Variants in REV1 observed in about 807,000 individuals in gnomAD.
REV1 encodes the protein REV1 DNA directed polymerase, also known as translesion synthesis protein REV1.
A neutral mutation model predicts 137.4 loss-of-function variants in REV1; 42 were observed. That is an observed-to-expected ratio of 0.31 (90% CI 0.24 to 0.40). The LOEUF (loss-of-function observed/expected upper bound fraction) is 0.40. Ranked by LOEUF, REV1 falls within the 10% of genes least tolerant of loss-of-function variation. The pLI is 1.00. For synonymous variants in REV1, 524 were observed against 519.2 expected, an observed-to-expected ratio of 1.01 and a Z score of -0.12; for missense variants, 1,282 against 1,490.1, an observed-to-expected ratio of 0.86 and a Z score of 2.30.
At chr2:99,422,357 A>G (rs796817740) in intron 10 of REV1, among the ~76,000 whole-genome samples, 3 of 152,332 alleles carry the variant, frequency 2.0e-5, no homozygotes, top group African/African-American at 7.2e-5. Flanking sequence ...AGAAATCACA[A>G]AATAGAACTG....
chr2:99,422,278 GT>G (rs1678786912), intron 10 of REV1, among the ~76,000 whole-genome samples: 1 of 152,158 alleles, frequency 6.6e-6, no homozygotes, highest in Non-Finnish European at 1.5e-5. Context: ...AAAAGGATTT[GT>G]TTTAATTAGA....
At chr2:99,403,592 G>T (rs1675827678) in intron 19 of REV1, 103 bp downstream of exon 19, 3 of 1,431,682 alleles carry the variant, frequency 2.1e-6, no homozygotes, top group African/African-American at 1.4e-5. Context: ...AGCTCTTAAT[G>T]CAACAGCTTA....
intron 9 of REV1, 110 bp downstream of exon 9, chr2:99,429,730 A>G: frequency 1.8e-6 from 1 of 566,238 alleles, no homozygotes; most frequent in East Asian, 3.2e-5. Flanking sequence ...AAACCTCATA[A>G]CACGTCTGTA....
chr2:99,462,323 C>G (rs1413899336), intron 3 of REV1, among the ~76,000 whole-genome samples, 173 bp downstream of exon 3: 1 of 152,100 alleles, frequency 6.6e-6, no homozygotes, highest in Non-Finnish European at 1.5e-5. Context: ...AAGACAATGG[C>G]AGGTAAAAGC....
chr2:99,424,105 A>G (rs780645801), intron 10 of REV1, 47 bp downstream of exon 10: 2 of 1,589,566 alleles, frequency 1.3e-6, no homozygotes, highest in South Asian at 1.1e-5. Flanking sequence ...ACTATTAGCT[A>G]AAAGAAGGAA....
rs140366730 is a variant in REV1 at position 99,432,501 on chromosome 2, T to G, written c.1438+1831A>C. ...AAAAAGTTCTGAGCACAAGCTTAGT[T>G]GTAATCAAACTTTATAATAAAGGAT... On this transcript the variant is annotated intron_variant, in intron 8 of 22. Coordinates refer to ENST00000258428, the MANE Select transcript of REV1 (RefSeq NM_016316.4). Among the ~76,000 whole-genome samples the G allele has an allele frequency of 5.8e-3, 879 of 152,284 alleles. 10 individuals are homozygous for G. Among genetic ancestry groups the G allele is most frequent in the African/African-American group, 0.02 (824 of 41,554 alleles).
chr2:99,412,102 G>A (rs201709236), intron 13 of REV1, among the ~76,000 whole-genome samples: 1 of 151,414 alleles, frequency 6.6e-6, no homozygotes, highest in Admixed American at 6.6e-5. Context: ...GCGTGGTGGC[G>A]GGTGCCTGTA....
upstream of REV1, chr2:99,490,151 C>G (rs1338338596): frequency 1.3e-5 from 2 of 150,942 alleles, no homozygotes; most frequent in Middle Eastern, 3.4e-3. Context: ...GGGGCGACCC[C>G]AGCCTCGGGC....
Position 99,404,656 on chromosome 2 carries a change from C to T in REV1, c.2833G>A (p.Ala945Thr). ...TGTTCCCGGAGATCAGGTGGAAGTG[C>T]TTCTAAAACAGACTGATCCAGCTAT... ...PSQLDQSVLE[A>T]LPPDLREQVE... is the part of the protein sequence containing the mutation. Residue 945 changes from alanine to threonine, a missense_variant, in exon 18 of 23, where the codon GCA becomes ACA. Transcript: ENST00000258428. 1 of 1,611,178 alleles carries T rather than the reference C, an allele frequency of 6.2e-7. No homozygotes were observed. Among genetic ancestry groups the T allele is most frequent in the Non-Finnish European group, 8.5e-7 (1 of 1,179,268 alleles).
At chr2:99,431,203 T>C (rs1321830995) in intron 8 of REV1, among the ~76,000 whole-genome samples, 1 of 152,194 alleles carries the variant, frequency 6.6e-6, no homozygotes, top group Non-Finnish European at 1.5e-5. Flanking sequence ...TCGGCAACCA[T>C]ATATACACAG....
chr2:99,407,081 T>C (rs911676977), intron 15 of REV1, among the ~76,000 whole-genome samples: 1 of 19,070 alleles, frequency 5.2e-5, no homozygotes, highest in Non-Finnish European at 9.1e-5. Flanking sequence ...ACAAAGGTTC[T>C]TTTTTTTTTT....
At chr2:99,434,490 A>G (rs766827358) in intron 7 of REV1, 42 bp from the exon 8 acceptor site, 1 of 1,394,842 alleles carries the variant, frequency 7.2e-7, no homozygotes, top group East Asian at 2.5e-5. Flanking sequence ...GTGGTACAGG[A>G]ATGTTAACAA....
Position 99,488,230 on chromosome 2 carries a change from T to C in REV1, c.-11+1587A>G, listed in dbSNP as rs1687311526. ...GAGGACAACGTTTCCTTAATGCTCTTATGTAGAATCAGAGTTTTGAAGTTG... is the reference window on the plus strand; with the variant it reads ...GAGGACAACGTTTCCTTAATGCTCTCATGTAGAATCAGAGTTTTGAAGTTG... On this transcript the variant is annotated intron_variant, in intron 1 of 22. Transcript: ENST00000258428. Among the ~76,000 whole-genome samples, 2 of 119,260 alleles carry C rather than the reference T, an allele frequency of 1.7e-5. 1 individual carries two copies. Among genetic ancestry groups the C allele is most frequent in the South Asian group, 4.7e-4 (2 of 4,212 alleles). The allele number at this position is 119,260 out of a possible 152,430, so 78.2% of individuals were successfully genotyped here.
Position 99,406,375 on chromosome 2 carries a change from A to T in REV1, c.2564T>A (p.Val855Asp). Reference protein sequence around the residue: ...FPSGSYSVRDVFQVQKAKKST... With the variant: ...FPSGSYSVRDDFQVQKAKKST... ...TTTCTTAGCTTTCTGAACTTGGAAGACATCACGGACAGAGTATGACCCACT... is the reference window on the plus strand; with the variant it reads ...TTTCTTAGCTTTCTGAACTTGGAAGTCATCACGGACAGAGTATGACCCACT... Residue 855 changes from valine (V) to aspartate (D), a missense_variant, in exon 16 of 23, where the codon GTC becomes GAC. This residue lies in a region of REV1 where 372 missense variants were observed against 482.3 expected (regional missense o/e 0.77). Transcript: ENST00000258428. 1 of 1,613,554 alleles carries T rather than the reference A, an allele frequency of 6.2e-7. No homozygotes were observed. Among genetic ancestry groups the T allele is most frequent in the Non-Finnish European group, 8.5e-7 (1 of 1,179,672 alleles).
rs1482510941 is a variant in REV1 at position 99,401,090 on chromosome 2, T to C, written c.*151A>G. The C allele has an allele frequency of 4.1e-6, 2 of 492,804 alleles. No homozygotes were observed. The highest frequency in any genetic ancestry group is 1.9e-5 in the African/African-American group (1 of 52,504). 30.5% of individuals were successfully genotyped at this position (492,804 alleles called of 1,614,324 possible). Reference sequence around the variant, plus strand: ...TATTTACATGCAATACTGACAAATTTGGCACTTTTTGAAAAGAAATGTACA... The same window carrying C: ...TATTTACATGCAATACTGACAAATTCGGCACTTTTTGAAAAGAAATGTACA... On this transcript the variant is annotated 3_prime_UTR_variant, in exon 23 of 23. Coordinates refer to ENST00000258428, the MANE Select transcript of REV1 (RefSeq NM_016316.4).
intron 3 of REV1, among the ~76,000 whole-genome samples, chr2:99,459,502 TTCAGA>T (rs1361058999): frequency 2.0e-5 from 3 of 152,102 alleles, no homozygotes; most frequent in Admixed American, 2.0e-4. Context: ...GCCTAGGAGT[TTCAGA>T]TCAGCCTGGG....
chr2:99,435,603 G>A (rs1467907656), intron 7 of REV1: 3 of 311,220 alleles, frequency 9.6e-6, no homozygotes, highest in Non-Finnish European at 1.7e-5. Context: ...ATTAGTCTTC[G>A]ATGACATATC....
At chr2:99,404,310 C>A in intron 18 of REV1, 134 bp downstream of exon 18, 1 of 660,148 alleles carries the variant, frequency 1.5e-6, no homozygotes, top group Non-Finnish European at 2.6e-6. Flanking sequence ...CCCACTCTCC[C>A]CTCCCCTCCC....
rs756160847 is a variant in REV1, at chr2:99,438,652, T to C, written c.1162A>G (p.Lys388Glu). 2 of 1,614,094 alleles carry C rather than the reference T, an allele frequency of 1.2e-6. No homozygotes were observed. The highest frequency in any genetic ancestry group is 2.2e-5 in the East Asian group (1 of 44,888). ...QSNGIFPGRE[K>E]LKKMKTGRSA... Reference sequence around the variant, plus strand: ...CTGCCTGTTTTCATTTTTTTTAACTTTTCCCTTCCTGGAAAGATACCATTA... The same window carrying C: ...CTGCCTGTTTTCATTTTTTTTAACTCTTCCCTTCCTGGAAAGATACCATTA... The change falls in exon 6 of 23, where the codon AAG (lysine) becomes GAG (glutamate). Residue 388 changes from lysine to glutamate, a missense_variant. Lys to Glu is a moderately conservative substitution (Grantham distance 56). Transcript: ENST00000258428.
Sources: allele counts gnomAD v4.1 joint callset (sites outside exome capture counted in the v4.1 genomes callset), GRCh38; gene constraint gnomAD v4.1.1; regional missense constraint gnomAD v4.1.1; transcripts MANE v1.5; gene names NCBI Gene and HGNC (gene_info 2026-07-23, HGNC 2026-07-21).